The following BCKDHB variants were observed in gnomAD, a reference collection of about 807,000 sequenced individuals.
BCKDHB encodes branched chain keto acid dehydrogenase E1 subunit beta.
A neutral mutation model predicts 48.5 loss-of-function variants in BCKDHB; 41 were observed. The ratio of observed to expected loss-of-function variants is 0.85; its 90% CI spans 0.66 to 1.10. The LOEUF is 1.10. Among genes scored for constraint, BCKDHB ranks in the 50% least tolerant of loss-of-function variants. The pLI, the probability that BCKDHB is intolerant of heterozygous loss-of-function variation, is 0.00. For synonymous variants in BCKDHB, 201 were observed against 174.8 expected, an observed-to-expected ratio of 1.15 and a Z score of -1.18; for missense variants, 496 against 494.2, an observed-to-expected ratio of 1.00 and a Z score of -0.03.
At chr6:80,187,543 A>G (rs377270045) in intron 6 of BCKDHB, among the ~76,000 whole-genome samples, 1 of 152,148 alleles carries the variant, frequency 6.6e-6, no homozygotes, top group Non-Finnish European at 1.5e-5. Context: ...TAAACAGGCA[A>G]CCTATAGAAG....
At chr6:80,343,050 C>G (rs1770001602) in intron 9 of BCKDHB, among the ~76,000 whole-genome samples, 1 of 152,152 alleles carries the variant, frequency 6.6e-6, no homozygotes, top group South Asian at 2.1e-4. Flanking sequence ...AGGAAGGCTT[C>G]CCAGCGGGAG....
chr6:80,166,656 C>CA lies in BCKDHB; in HGVS notation c.344-1008dup, dbSNP rs35271028. Among the ~76,000 whole-genome samples, 439 of 140,852 alleles carry CA rather than the reference C, an allele frequency of 3.1e-3. 2 individuals carry two copies. Among genetic ancestry groups the CA allele is most frequent in the African/African-American group, 0.01 (376 of 36,788 alleles). 92.4% of individuals were successfully genotyped at this position (140,852 alleles called of 152,430 possible). ...GGGTGACAAGAGCAAAACTCCATCT[C>CA]AAAAAAAAAAAAAATTCTAACATAA... is the stretch of plus-strand genomic sequence containing the variant. On this transcript the variant is annotated intron_variant, in intron 3 of 9. Coordinates refer to ENST00000320393, the MANE Select transcript of BCKDHB (RefSeq NM_183050.4).
chr6:80,202,400 G>T (rs909794508), intron 7 of BCKDHB, among the ~76,000 whole-genome samples: 1 of 151,960 alleles, frequency 6.6e-6, no homozygotes, highest in Non-Finnish European at 1.5e-5. Context: ...CCTTAAATAC[G>T]ATTATGTCTC....
chr6:80,205,373 T>C (rs895715173), intron 8 of BCKDHB, among the ~76,000 whole-genome samples: 2 of 152,124 alleles, frequency 1.3e-5, no homozygotes, highest in Non-Finnish European at 2.9e-5. Flanking sequence ...CGCTGAGTTT[T>C]ATTCGTTGTG....
chr6:80,349,460 CA>C (rs1770333732), downstream of BCKDHB, among the ~76,000 whole-genome samples: 1 of 152,100 alleles, frequency 6.6e-6, no homozygotes, highest in African/African-American at 2.4e-5. Flanking sequence ...TAGGATAAAG[CA>C]AAGTCAAACA....
At chr6:80,338,057 A>C (rs1460907399) in intron 9 of BCKDHB, among the ~76,000 whole-genome samples, 1 of 152,228 alleles carries the variant, frequency 6.6e-6, no homozygotes, top group Non-Finnish European at 1.5e-5. Context: ...ACAGTTTTCC[A>C]ACTCAAGATG....
chr6:80,422,609 A>G, the BCKDHB span, among the ~76,000 whole-genome samples: 2 of 152,224 alleles, frequency 1.3e-5, no homozygotes, highest in African/African-American at 4.8e-5. Context: ...CAGCTGCCCA[A>G]GGCCTTAGGA....
chr6:80,285,594 AAAAC>A (rs144765828), intron 9 of BCKDHB, among the ~76,000 whole-genome samples: 1,821 of 152,176 alleles, frequency 0.012, 29 homozygotes, highest in African/African-American at 0.042. Context: ...CTGCCTTTAA[AAAAC>A]AAACAAACAA....
chr6:80,271,850 C>CT (rs11455436), intron 8 of BCKDHB, among the ~76,000 whole-genome samples: 128,403 of 148,914 alleles, frequency 0.86, 55,448 homozygotes, highest in East Asian at 0.99. Flanking sequence ...ATTGTCAAAT[C>CT]TTTTTTTTTT....
intron 9 of BCKDHB, chr6:80,307,855 A>G: frequency 1.0e-6 from 1 of 981,806 alleles, no homozygotes; most frequent in Non-Finnish European, 1.2e-6. Flanking sequence ...GGACTACTTA[A>G]CACTGCAAAT....
At chr6:80,185,582 G>T (rs1465646604) in intron 6 of BCKDHB, among the ~76,000 whole-genome samples, 2 of 152,304 alleles carry the variant, frequency 1.3e-5, no homozygotes, top group East Asian at 3.9e-4. Context: ...CTCAAGGGCT[G>T]CTGTTCAGAT....
intron 3 of BCKDHB, among the ~76,000 whole-genome samples, chr6:80,149,934 T>A (rs1015301813): frequency 6.6e-6 from 1 of 151,822 alleles, no homozygotes. Flanking sequence ...CATATGTAAC[T>A]AACCTGCACA....
At chr6:80,316,350 A>G (rs757726301) in intron 9 of BCKDHB, among the ~76,000 whole-genome samples, 12 of 151,316 alleles carry the variant, frequency 7.9e-5, no homozygotes, top group Non-Finnish European at 1.8e-4. Flanking sequence ...TTATGAGACA[A>G]AATATTCAGT....
intron 8 of BCKDHB, among the ~76,000 whole-genome samples, chr6:80,263,457 A>G (rs889188825): frequency 1.3e-5 from 2 of 152,154 alleles, no homozygotes; most frequent in African/African-American, 4.8e-5. Flanking sequence ...TACAAAAGAT[A>G]TGTGTAATTT....
chr6:80,319,359 A>C (rs78613214), intron 9 of BCKDHB, among the ~76,000 whole-genome samples: 4,775 of 152,292 alleles, frequency 0.031, 94 homozygotes, highest in East Asian at 0.052. Flanking sequence ...GGTTTGAATG[A>C]ATTATTAAAG....
At chr6:80,430,388 A>G in the BCKDHB span, among the ~76,000 whole-genome samples, 1 of 152,116 alleles carries the variant, frequency 6.6e-6, no homozygotes, top group Non-Finnish European at 1.5e-5. Flanking sequence ...AAAATGAGTT[A>G]TGGAGGATTT....
the BCKDHB span, among the ~76,000 whole-genome samples, chr6:80,432,323 A>T: frequency 1.1e-4 from 17 of 151,992 alleles, no homozygotes; most frequent in Non-Finnish European, 1.6e-4. Flanking sequence ...ACACCAACCA[A>T]ATGTAGATTT....
At chr6:80,446,413 T>C in the BCKDHB span, among the ~76,000 whole-genome samples, 3 of 152,176 alleles carry the variant, frequency 2.0e-5, no homozygotes, top group Non-Finnish European at 4.4e-5. Context: ...TTTTACATGG[T>C]TTCACGTGTT....
chr6:80,159,346 TA>T (rs777412801), intron 3 of BCKDHB, among the ~76,000 whole-genome samples: 6 of 151,760 alleles, frequency 4.0e-5, no homozygotes, highest in South Asian at 2.1e-4. Context: ...GAGACTAGAT[TA>T]AAAAAAAATC....
Sources: allele counts gnomAD v4.1 joint callset (sites outside exome capture counted in the v4.1 genomes callset), GRCh38; gene constraint gnomAD v4.1.1; transcripts MANE v1.5; gene names NCBI Gene and HGNC (gene_info 2026-07-23, HGNC 2026-07-21).